Variants in SCUBE2 observed in about 807,000 individuals in gnomAD.
SCUBE2 encodes signal peptide, CUB domain and EGF like domain containing 2.
SCUBE2 carries 114 observed loss-of-function variants against 125.9 expected under a neutral mutation model. The ratio of observed to expected loss-of-function variants is 0.91; its 90% CI spans 0.78 to 1.06. The LOEUF is 1.06. SCUBE2 is among the 50% of genes least tolerant of loss of function. The probability of loss-of-function intolerance (pLI) is 0.00; values close to 1 mark genes in which losing one functional copy is unlikely to be tolerated. For missense variants in SCUBE2, 1,255 were observed against 1,301.8 expected, an observed-to-expected ratio of 0.96 and a Z score of 0.55; for synonymous variants, 459 against 492.9, an observed-to-expected ratio of 0.93 and a Z score of 0.91.
At chr11:9,038,330 C>T (rs1302984870) in intron 16 of SCUBE2, among the ~76,000 whole-genome samples, 2 of 152,056 alleles carry the variant, frequency 1.3e-5, no homozygotes, top group South Asian at 2.1e-4. Flanking sequence ...CCTTTCTGAA[C>T]AGAGACCAGA....
rs1307094867 is a variant in SCUBE2 at position 9,079,409 on chromosome 11, C to G, written c.357G>C (p.Leu119Phe). The G allele has an allele frequency of 6.2e-7, 1 of 1,613,896 alleles. No individual in the cohort carries two copies. Among genetic ancestry groups the G allele is most frequent in the East Asian group, 2.2e-5 (1 of 44,886 alleles). Residue 119 changes from leucine (L) to phenylalanine (F), a missense_variant, in exon 3 of 23, where the codon TTG (leucine) becomes TTC (phenylalanine). Physicochemically the swap from Leu to Phe is conservative, Grantham distance 22 (BLOSUM62 0). Transcript: ENST00000649792. ...CAAGACAATTATGACCGTCATGAGCCAACATGAAGCCATCAAAACAAGTGC... is the reference window on the plus strand; with the variant it reads ...CAAGACAATTATGACCGTCATGAGCGAACATGAAGCCATCAAAACAAGTGC... ...YRCTCFDGFM[L>F]AHDGHNCLDV... is the part of the protein sequence containing the mutation.
intron 1 of SCUBE2, chr11:9,090,390 G>A (rs927746171): frequency 3.3e-5 from 5 of 153,714 alleles, no homozygotes; most frequent in South Asian, 2.0e-4. Context: ...AACACAGCCC[G>A]TGGGCTACGT....
intron 7 of SCUBE2, among the ~76,000 whole-genome samples, chr11:9,064,298 C>G (rs1042866209): frequency 6.6e-6 from 1 of 151,916 alleles, no homozygotes; most frequent in African/African-American, 2.4e-5. Context: ...AAAACCCTGT[C>G]TCTACAAAAA....
At chr11:9,022,621 C>T (rs1490335491) in intron 21 of SCUBE2, 1 of 152,472 alleles carries the variant, frequency 6.6e-6, no homozygotes, top group African/African-American at 2.4e-5. Context: ...GCATCAGTAG[C>T]TTTTGACCTG....
chr11:9,072,693 G>A (rs1038139905), intron 4 of SCUBE2, among the ~76,000 whole-genome samples: 2 of 152,168 alleles, frequency 1.3e-5, no homozygotes, highest in Non-Finnish European at 2.9e-5. Flanking sequence ...CAAGCAATCA[G>A]GTTGAAACAC....
At chr11:9,033,349 A>G (rs745679539) in intron 17 of SCUBE2, among the ~76,000 whole-genome samples, 15 of 152,236 alleles carry the variant, frequency 9.9e-5, no homozygotes, top group Admixed American at 2.0e-4. Flanking sequence ...TCAGGTGTAT[A>G]TATTTCCAGT....
intron 16 of SCUBE2, among the ~76,000 whole-genome samples, chr11:9,034,462 A>C (rs967390518): frequency 2.6e-5 from 4 of 152,206 alleles, no homozygotes; most frequent in Non-Finnish European, 4.4e-5. Context: ...GTGCGTCTGT[A>C]GTCCTAGCTA....
At chr11:9,088,600 G>A (rs1862325162) in intron 2 of SCUBE2, among the ~76,000 whole-genome samples, 1 of 152,224 alleles carries the variant, frequency 6.6e-6, no homozygotes. Flanking sequence ...TTTAGATCCT[G>A]CAAGTATTCA....
rs2003906 is a variant in SCUBE2, at chr11:9,065,986, A to G, written c.761-6T>C. Reference sequence around the variant, plus strand: ...CAGGACAGTGTCCTCTCGCTCTACAAGAGAAGCAAAAGAGCACGGTTCTCA... The same window carrying G: ...CAGGACAGTGTCCTCTCGCTCTACAGGAGAAGCAAAAGAGCACGGTTCTCA... On this transcript the variant is annotated splice_polypyrimidine_tract_variant and splice_region_variant and intron_variant, in intron 6 of 22. Coordinates refer to ENST00000649792, the MANE Select transcript of SCUBE2 (RefSeq NM_001367977.2). 0.26 allele frequency: 424,477 copies of G among 1,607,594 alleles called. 59,532 individuals are homozygous for G. Among genetic ancestry groups the G allele is most frequent in the East Asian group, 0.45 (20,366 of 44,816 alleles).
intron 21 of SCUBE2, among the ~76,000 whole-genome samples, chr11:9,023,492 C>T (rs1171771414): frequency 6.6e-6 from 1 of 152,140 alleles, no homozygotes; most frequent in Non-Finnish European, 1.5e-5. Context: ...TGCTGTGCTG[C>T]GTTCTGGTGT....
intron 16 of SCUBE2, among the ~76,000 whole-genome samples, chr11:9,045,830 G>T (rs1857675680): frequency 6.6e-6 from 1 of 152,050 alleles, no homozygotes; most frequent in African/African-American, 2.4e-5. Flanking sequence ...ACCTGGACCT[G>T]ATTTGATGCT....
chr11:9,071,308 C>T (rs1251155339), intron 4 of SCUBE2, among the ~76,000 whole-genome samples: 4 of 152,178 alleles, frequency 2.6e-5, no homozygotes, highest in Admixed American at 2.6e-4. Context: ...GAGTAATTCA[C>T]CTACACAAGA....
intron 2 of SCUBE2, among the ~76,000 whole-genome samples, chr11:9,080,884 T>A (rs920876441): frequency 8.5e-5 from 13 of 152,072 alleles, no homozygotes; most frequent in Non-Finnish European, 1.0e-4. Flanking sequence ...AAAAAACTCT[T>A]ACAACTCAAT....
rs148676325 is a variant in SCUBE2, at chr11:9,069,467, G to A, written c.546C>T (p.His182=). Residue 182 remains histidine (H), a synonymous_variant, in exon 5 of 23, where the codon CAC becomes CAT. Transcript: ENST00000649792. ...CCTCCTTGCAGATGTGACTACAGCC[G>A]TGATCCTTATTCATGCAGCTCAGGC... The part of the protein sequence containing the change: ...EEGLSCMNKD[H]GCSHICKEAP... 311 of 1,614,216 alleles carry A rather than the reference G, an allele frequency of 1.9e-4. 1 individual carries two copies. The highest frequency in any genetic ancestry group is 1.8e-3 in the African/African-American group (135 of 75,064).
intron 22 of SCUBE2, among the ~76,000 whole-genome samples, 166 bp from the exon 23 acceptor site, chr11:9,021,363 C>T (rs1855280205): frequency 6.6e-6 from 1 of 152,002 alleles, no homozygotes; most frequent in African/African-American, 2.4e-5. Flanking sequence ...TTTTATTTTT[C>T]CTAATTAGTT....
At chr11:9,021,289 T>C in intron 22 of SCUBE2, 92 bp from the exon 23 acceptor site, 1 of 1,047,690 alleles carries the variant, frequency 9.5e-7, no homozygotes, top group Non-Finnish European at 1.3e-6. Flanking sequence ...TATTAGGCCG[T>C]AGCTTGCTTA....
rs759066146 is a variant in SCUBE2 at position 9,079,391 on chromosome 11, A to G, written c.375T>C (p.Asn125=). The G allele has an allele frequency of 2.5e-6, 4 of 1,614,080 alleles. No individual in the cohort carries two copies. The highest frequency in any genetic ancestry group is 1.1e-5 in the South Asian group (1 of 91,064). Residue 125 remains asparagine, a synonymous_variant, in exon 3 of 23, where the codon AAT becomes AAC. Transcript: ENST00000649792. The part of the protein sequence containing the change: ...DGFMLAHDGH[N]CLDVDECLEN... Reference sequence around the variant, plus strand: ...TCCAAATGCCTTCCTTACCAAGACAATTATGACCGTCATGAGCCAACATGA... The same window carrying G: ...TCCAAATGCCTTCCTTACCAAGACAGTTATGACCGTCATGAGCCAACATGA...
chr11:9,024,239 AGT>A, intron 21 of SCUBE2: 1 of 1,092,324 alleles, frequency 9.2e-7, no homozygotes, highest in Non-Finnish European at 1.1e-6. Context: ...TTGAAGTCTC[AGT>A]GTCTTTTTGC....
At chr11:9,043,904 AC>A (rs1273794518) in intron 16 of SCUBE2, among the ~76,000 whole-genome samples, 1 of 152,074 alleles carries the variant, frequency 6.6e-6, no homozygotes, top group Non-Finnish European at 1.5e-5. Flanking sequence ...GTTGGAAGCG[AC>A]ATGCATAGGC....
Sources: gnomAD v4.1 joint callset for allele counts (sites outside exome capture counted in the v4.1 genomes callset) on GRCh38, gnomAD v4.1.1 for gene constraint, MANE v1.5 for transcripts, NCBI Gene and HGNC (gene_info 2026-07-23, HGNC 2026-07-21) for gene names.